ZBTB7C: variants seen among roughly 807,000 people sequenced by gnomAD.
The protein encoded by ZBTB7C is zinc finger and BTB domain-containing protein 7C.
Under a neutral mutation model 25.7 loss-of-function variants are expected in ZBTB7C, and 8 were observed. That is an observed-to-expected ratio of 0.31 (90% CI 0.18 to 0.56). The LOEUF (loss-of-function observed/expected upper bound fraction) is 0.56, where lower values mean the gene tolerates loss of function less well. Among genes scored for constraint, ZBTB7C ranks in the 20% least tolerant of loss-of-function variants. The probability of loss-of-function intolerance (pLI) is 0.91; values close to 1 mark genes in which losing one functional copy is unlikely to be tolerated. For synonymous variants in ZBTB7C, 394 were observed against 369.0 expected (o/e 1.07, Z -0.78); for missense variants, 824 against 855.2 (o/e 0.96, Z 0.46).
chr18:48,278,274 C>A (rs1312423011), intron 2 of ZBTB7C, among the ~76,000 whole-genome samples: 1 of 152,164 alleles, frequency 6.6e-6, no homozygotes. Flanking sequence ...AGGGGCCATG[C>A]AGAGAGGACT....
At chr18:48,360,399 T>C (rs934123970) in intron 1 of ZBTB7C, among the ~76,000 whole-genome samples, 3 of 152,096 alleles carry the variant, frequency 2.0e-5, no homozygotes, top group Non-Finnish European at 4.4e-5. Flanking sequence ...GCATGGGGGA[T>C]TTTAGGGGAA....
In ZBTB7C at chr18:48,026,740, T is replaced by G. The variant is rs2035537447; in HGVS notation, c.*2520A>C. On this transcript the variant is annotated 3_prime_UTR_variant, in exon 5 of 5. Coordinates refer to ENST00000590800, the MANE Select transcript of ZBTB7C (RefSeq NM_001318841.2). The stretch of plus-strand genomic sequence containing the variant: ...AAGTATAAAATAAGGGTCAAAGGTT[T>G]TTTTTTTTTTCTTTGTTAAGGTGTC... 1 of 151,820 alleles carries G rather than the reference T, an allele frequency of 6.6e-6. No individual in the cohort carries two copies. The highest frequency in any genetic ancestry group is 1.5e-5 in the Non-Finnish European group (1 of 67,968). The allele number at this position is 151,820 out of a possible 1,614,324, so 9.4% of individuals were successfully genotyped here. A position where few individuals can be genotyped will look rare whatever the true frequency, so the allele number is the denominator to read the frequency against.
chr18:48,166,204 C>A (rs113055302), intron 3 of ZBTB7C, among the ~76,000 whole-genome samples: 12 of 151,602 alleles, frequency 7.9e-5, no homozygotes, highest in African/African-American at 2.4e-4. Flanking sequence ...TCAACCCAAA[C>A]AACTCTGTAA....
rs565024482 is a variant in ZBTB7C, at chr18:48,240,570, C to T, written c.-78-54575G>A. 2.6e-5 allele frequency among the ~76,000 whole-genome samples: 4 copies of T among 152,198 alleles called. No individual in the cohort carries two copies. In the South Asian group the frequency reaches 6.2e-4, roughly 24 times the overall value. ...CTTCCTTAAACAAAACAATTATCAGCCAAAAATTTTGCATCCAGCAAAACT... is the reference window on the plus strand; with the variant it reads ...CTTCCTTAAACAAAACAATTATCAGTCAAAAATTTTGCATCCAGCAAAACT... On this transcript the variant is annotated intron_variant, in intron 2 of 4. Coordinates refer to ENST00000590800, the MANE Select transcript of ZBTB7C (RefSeq NM_001318841.2).
chr18:48,331,951 T>C (rs191196068), intron 2 of ZBTB7C, among the ~76,000 whole-genome samples: 50 of 152,344 alleles, frequency 3.3e-4, no homozygotes, highest in Admixed American at 2.9e-3. Context: ...TTTTCTGCAA[T>C]ATTTTGAAGA....
At chr18:48,182,917 T>C (rs2041963772) in intron 3 of ZBTB7C, among the ~76,000 whole-genome samples, 1 of 152,222 alleles carries the variant, frequency 6.6e-6, no homozygotes, top group South Asian at 2.1e-4. Flanking sequence ...TGTCATGCGG[T>C]ATCTCAAATA....
At chr18:48,129,728 T>G (rs2144766143) in intron 3 of ZBTB7C, among the ~76,000 whole-genome samples, 1 of 152,298 alleles carries the variant, frequency 6.6e-6, no homozygotes, top group Admixed American at 6.5e-5. Context: ...GGCCTCTCTC[T>G]CGTTGAAAGG....
In ZBTB7C at chr18:48,029,296, GAGGCCGGCGAGCCCAGGGAGGCCGGCC is replaced by G. The variant is rs751039921; in HGVS notation, c.1797_1823del (p.Ala600_Leu608del). Reference sequence around the variant, plus strand: ...CTTCGGACATGGAGGCCACGTGGTTGAGGCCGGCGAGCCCAGGGAGGCCGGCCAGGCCGGCGGCCCAAGGGTCGGGCA... The same window carrying G: ...CTTCGGACATGGAGGCCACGTGGTTGAGGCCGGCGGCCCAAGGGTCGGGCA... On this transcript the variant is annotated inframe_deletion, in exon 5 of 5. Coordinates refer to ENST00000590800, the MANE Select transcript of ZBTB7C (RefSeq NM_001318841.2). 2.0e-4 allele frequency: 314 copies of G among 1,538,072 alleles called. No individual in the cohort carries two copies. Among genetic ancestry groups the G allele is most frequent in the Non-Finnish European group, 2.6e-4 (302 of 1,148,568 alleles).
At chr18:48,345,409 C>T (rs2046704326) in intron 1 of ZBTB7C, among the ~76,000 whole-genome samples, 1 of 152,260 alleles carries the variant, frequency 6.6e-6, no homozygotes, top group Non-Finnish European at 1.5e-5. Flanking sequence ...TTCTGACATG[C>T]GTAGAGGTGG....
intron 2 of ZBTB7C, among the ~76,000 whole-genome samples, chr18:48,239,581 G>C (rs912968743): frequency 6.6e-5 from 10 of 152,134 alleles, no homozygotes; most frequent in African/African-American, 2.4e-4. Flanking sequence ...CTCAGAACCT[G>C]GTAGGTCTGC....
chr18:48,405,097 T>TCCACC (rs2048248183), intron 1 of ZBTB7C, among the ~76,000 whole-genome samples: 1 of 151,804 alleles, frequency 6.6e-6, no homozygotes. Flanking sequence ...GCCAGCTTCC[T>TCCACC]CCACCCCACC....
At chr18:48,083,949 C>T (rs1476535076) in intron 3 of ZBTB7C, 7 of 947,222 alleles carry the variant, frequency 7.4e-6, no homozygotes, top group Non-Finnish European at 8.8e-6. Context: ...TTAAACACGA[C>T]CTGAGACCGA....
At chr18:48,288,302 G>A (rs1318791582) in intron 2 of ZBTB7C, among the ~76,000 whole-genome samples, 1 of 152,232 alleles carries the variant, frequency 6.6e-6, no homozygotes, top group African/African-American at 2.4e-5. Context: ...ACTTTGGGAA[G>A]TGATTAGGTC....
intron 2 of ZBTB7C, among the ~76,000 whole-genome samples, chr18:48,326,938 A>G (rs1054520690): frequency 2.0e-5 from 3 of 152,214 alleles, no homozygotes; most frequent in Non-Finnish European, 4.4e-5. Flanking sequence ...ATAATAACAC[A>G]AAGTCCTGCA....
intron 2 of ZBTB7C, among the ~76,000 whole-genome samples, chr18:48,191,397 G>C (rs2042191658): frequency 6.6e-6 from 1 of 152,174 alleles, no homozygotes; most frequent in African/African-American, 2.4e-5. Context: ...CCAGCAAACG[G>C]GGCATAATAA....
chr18:48,069,105 CA>C (rs1388475216), intron 3 of ZBTB7C, among the ~76,000 whole-genome samples: 1 of 152,242 alleles, frequency 6.6e-6, no homozygotes, highest in Non-Finnish European at 1.5e-5. Context: ...TCCCCGGCCC[CA>C]GCGCAGCCAG....
intron 1 of ZBTB7C, among the ~76,000 whole-genome samples, chr18:48,373,216 C>T (rs548245860): frequency 2.6e-4 from 39 of 151,540 alleles, no homozygotes; most frequent in Admixed American, 7.9e-4. Context: ...GGATCCCTCA[C>T]GGCTTGGTAC....
chr18:48,115,124 T>A (rs542833030), intron 3 of ZBTB7C, among the ~76,000 whole-genome samples: 27 of 152,314 alleles, frequency 1.8e-4, no homozygotes, highest in African/African-American at 6.5e-4. Context: ...ACTTTATCTC[T>A]ATGAATTTGC....
intron 2 of ZBTB7C, among the ~76,000 whole-genome samples, chr18:48,196,365 C>T (rs530497680): frequency 1.3e-5 from 2 of 152,318 alleles, no homozygotes; most frequent in Admixed American, 1.3e-4. Flanking sequence ...GGCAAACTAA[C>T]TTTACAGCTT....
Sources: allele counts gnomAD v4.1 joint callset (sites outside exome capture counted in the v4.1 genomes callset), GRCh38; gene constraint gnomAD v4.1.1; transcripts MANE v1.5; gene names NCBI Gene and HGNC (gene_info 2026-07-23, HGNC 2026-07-21).